TRPM3: variants seen among roughly 807,000 people sequenced by gnomAD.
TRPM3 encodes the protein long transient receptor potential channel 3.
In TRPM3, 77 loss-of-function variants were observed where a neutral mutation model predicts 181.2. The observed-to-expected ratio is 0.42, with a 90% CI of 0.35 to 0.51. The LOEUF is 0.51. TRPM3 is among the 20% of genes least tolerant of loss of function. The pLI, the probability that TRPM3 is intolerant of heterozygous loss-of-function variation, is 0.01. For missense variants in TRPM3, 1,759 were observed against 2,196.7 expected, an observed-to-expected ratio of 0.80 and a Z score of 3.98; for synonymous variants, 745 against 796.4, an observed-to-expected ratio of 0.94 and a Z score of 1.09.
chr9:71,207,949 C>T (rs1489587350), intron 1 of TRPM3, among the ~76,000 whole-genome samples: 2 of 152,054 alleles, frequency 1.3e-5, no homozygotes, highest in Non-Finnish European at 2.9e-5. Context: ...TTCCTTGTCC[C>T]CCAAATCCTT....
chr9:71,262,637 C>T (rs1206411606), intron 1 of TRPM3, among the ~76,000 whole-genome samples: 1 of 152,224 alleles, frequency 6.6e-6, no homozygotes, highest in Admixed American at 6.5e-5. Context: ...CAGTTTTGTG[C>T]TTGAAACCCA....
At chr9:70,679,362 G>A (rs192887990) in intron 9 of TRPM3, among the ~76,000 whole-genome samples, 1 of 152,270 alleles carries the variant, frequency 6.6e-6, no homozygotes, top group African/African-American at 2.4e-5. Context: ...ATAATGCAAT[G>A]AATAAATTCT....
chr9:70,894,339 T>C (rs1437425712), intron 1 of TRPM3, among the ~76,000 whole-genome samples: 4 of 152,202 alleles, frequency 2.6e-5, no homozygotes, highest in Non-Finnish European at 5.9e-5. Context: ...AGGTCTGCTC[T>C]AGCCTATGAG....
At chr9:71,198,691 A>T (rs1316543603) in intron 1 of TRPM3, among the ~76,000 whole-genome samples, 3 of 151,430 alleles carry the variant, frequency 2.0e-5, no homozygotes, top group Admixed American at 6.6e-5. Context: ...ATTGGTGTGT[A>T]AGAATGCTTG....
intron 1 of TRPM3, among the ~76,000 whole-genome samples, chr9:71,257,951 G>A (rs1427627489): frequency 2.6e-5 from 4 of 152,086 alleles, no homozygotes; most frequent in African/African-American, 4.8e-5. Context: ...TGGTCATTAC[G>A]TGTTAAATTG....
At chr9:70,674,049 T>C (rs1235482390) in intron 9 of TRPM3, among the ~76,000 whole-genome samples, 24 of 151,322 alleles carry the variant, frequency 1.6e-4, no homozygotes, top group Admixed American at 1.6e-3. Context: ...ATATAAACAG[T>C]ATAAGGTTAA....
chr9:70,619,043 C>T lies in TRPM3; in HGVS notation c.2182G>A (p.Glu728Lys), dbSNP rs752221707. ...GTCAGCAGTTTCATGGCCAGCTGTT[C>T]GTCCTGCTTGTAGGACTGGTCCAGG... ...ELLDQSYKQD[E>K]QLAMKLLTYE... Residue 728 changes from glutamate (E) to lysine (K), a missense_variant, in exon 17 of 26, where the codon GAA (glutamate) becomes AAA (lysine). By Grantham distance (56) the Glu-to-Lys change is moderately conservative. Transcript: ENST00000677713. The T allele has an allele frequency of 1.9e-6, 3 of 1,614,026 alleles. No individual in the cohort carries two copies. Among genetic ancestry groups the T allele is most frequent in the Non-Finnish European group, 2.5e-6 (3 of 1,180,028 alleles).
At chr9:70,807,581 A>G (rs1424345846) in intron 6 of TRPM3, among the ~76,000 whole-genome samples, 1 of 152,198 alleles carries the variant, frequency 6.6e-6, no homozygotes, top group Non-Finnish European at 1.5e-5. Context: ...AGTGATGCTT[A>G]TAATAACAAG....
At chr9:71,387,638 T>G in intron 1 of TRPM3, among the ~76,000 whole-genome samples, 1 of 152,198 alleles carries the variant, frequency 6.6e-6, no homozygotes, top group East Asian at 1.9e-4. Flanking sequence ...ATTATTTTAT[T>G]ACTTATTAAA....
chr9:70,867,504 C>T (rs2095674536), intron 1 of TRPM3, among the ~76,000 whole-genome samples: 1 of 152,082 alleles, frequency 6.6e-6, no homozygotes, highest in Non-Finnish European at 1.5e-5. Context: ...TGAAACGCTA[C>T]ATCATTGTTA....
intron 1 of TRPM3, among the ~76,000 whole-genome samples, chr9:71,062,825 G>T (rs538007800): frequency 6.6e-6 from 1 of 152,022 alleles, no homozygotes; most frequent in African/African-American, 2.4e-5. Flanking sequence ...CCCTCTCTTG[G>T]CCTTCCGCCT....
chr9:70,999,577 C>T (rs1052332647), intron 1 of TRPM3, among the ~76,000 whole-genome samples: 2 of 152,194 alleles, frequency 1.3e-5, no homozygotes, highest in Admixed American at 6.5e-5. Context: ...TTCTCTGTAA[C>T]GATGCTTCCG....
chr9:70,979,982 T>A (rs1212692568), intron 1 of TRPM3, among the ~76,000 whole-genome samples: 1 of 151,672 alleles, frequency 6.6e-6, no homozygotes, highest in Non-Finnish European at 1.5e-5. Flanking sequence ...TATTTCCAGC[T>A]GGCCACATTA....
intron 14 of TRPM3, among the ~76,000 whole-genome samples, chr9:70,624,490 A>G (rs1286123319): frequency 1.3e-5 from 2 of 152,194 alleles, no homozygotes; most frequent in East Asian, 3.8e-4. Context: ...GTTCACTTAC[A>G]TGGTTTTAGA....
chr9:70,921,893 C>G (rs2096657263), intron 1 of TRPM3, among the ~76,000 whole-genome samples: 1 of 148,982 alleles, frequency 6.7e-6, no homozygotes, highest in Non-Finnish European at 1.5e-5. Context: ...CCCAACGGAG[C>G]TTTAAGATGG....
chr9:70,778,238 T>C (rs1277075675), intron 7 of TRPM3, among the ~76,000 whole-genome samples: 1 of 152,194 alleles, frequency 6.6e-6, no homozygotes, highest in African/African-American at 2.4e-5. Context: ...TAACATACAC[T>C]GTTCCATTGA....
rs562160438 is a variant in TRPM3 at position 70,955,334 on chromosome 9, T to C, written c.178-90823A>G. ...AAGACTGAAGGCTATTCTTTGATCT[T>C]ATTTAGTTCCCTTGTCTCATCCAAT... On this transcript the variant is annotated intron_variant, in intron 1 of 25. Transcript: ENST00000677713. 1.4e-3 allele frequency among the ~76,000 whole-genome samples: 217 copies of C among 152,338 alleles called. 1 individual carries two copies. The highest frequency in any genetic ancestry group is 5.1e-3 in the African/African-American group (211 of 41,594).
intron 1 of TRPM3, among the ~76,000 whole-genome samples, chr9:71,165,574 A>C (rs2076500840): frequency 1.3e-5 from 2 of 152,126 alleles, no homozygotes; most frequent in African/African-American, 4.8e-5. Context: ...GTCTATCAAG[A>C]GGTGGCAGAA....
chr9:71,188,886 C>T (rs765675802), intron 1 of TRPM3, among the ~76,000 whole-genome samples: 1 of 151,890 alleles, frequency 6.6e-6, no homozygotes, highest in Non-Finnish European at 1.5e-5. Context: ...AAGTAATAAG[C>T]ACAGTGGCAT....
Sources: gnomAD v4.1 joint callset for allele counts (sites outside exome capture counted in the v4.1 genomes callset) on GRCh38, gnomAD v4.1.1 for gene constraint, MANE v1.5 for transcripts, NCBI Gene and HGNC (gene_info 2026-07-23, HGNC 2026-07-21) for gene names.